The following ADGRL1 variants were observed in gnomAD, a reference collection of about 807,000 sequenced individuals.
ADGRL1 encodes the protein adhesion G protein-coupled receptor L1, also known as CIRL-1.
Under a neutral mutation model 148.9 loss-of-function variants are expected in ADGRL1, and 31 were observed. That is an observed-to-expected ratio of 0.21 (90% CI 0.16 to 0.28). The LOEUF (loss-of-function observed/expected upper bound fraction) is 0.28, where lower values mean the gene tolerates loss of function less well. Ranked by LOEUF, ADGRL1 falls within the 10% of genes least tolerant of loss-of-function variation. The probability of loss-of-function intolerance (pLI) is 1.00; values close to 1 mark genes in which losing one functional copy is unlikely to be tolerated. For synonymous variants in ADGRL1, 937 were observed against 900.3 expected (o/e 1.04, Z -0.73); for missense variants, 1,521 against 2,058.8 (o/e 0.74, Z 5.05).
chr19:14,188,789 T>A (rs1039218531), intron 1 of ADGRL1, among the ~76,000 whole-genome samples: 2 of 152,202 alleles, frequency 1.3e-5, no homozygotes, highest in African/African-American at 2.4e-5. Context: ...TTTTTCTTTT[T>A]TTGAGACGGA....
Position 14,163,333 on chromosome 19 carries a change from G to A in ADGRL1, c.468C>T (p.Gly156=), listed in dbSNP as rs756602442. 5.6e-6 allele frequency: 9 copies of A among 1,611,254 alleles called. No homozygotes were observed. The highest frequency in any genetic ancestry group is 1.1e-5 in the South Asian group (1 of 90,848). ...TSTHESEHQS[G]AWCKDPLQAG... ...CCTGCAGCGGGTCCTTGCACCATGC[G>A]CCAGACTGGTGCTCTGACTCGTGTG... The change falls in exon 5 of 23, where the codon GGC becomes GGT. Residue 156 remains glycine (G), a synonymous_variant. Coordinates refer to ENST00000361434, the MANE Select transcript of ADGRL1 (RefSeq NM_014921.5).
In ADGRL1 at chr19:14,159,738, G is replaced by A; in HGVS notation, c.1836C>T (p.Ile612=). ...ACTGGGACCCCCTGGGTCTCACCTTGATATAATCCTTACAAGTTCTCTCTC... is the reference window on the plus strand; with the variant it reads ...ACTGGGACCCCCTGGGTCTCACCTTAATATAATCCTTACAAGTTCTCTCTC... The part of the protein sequence containing the change: ...HKRERTCKDY[I]KAVVETVDNL... Residue 612 remains isoleucine, a synonymous_variant, in exon 9 of 23, where the codon ATC becomes ATT. Coordinates refer to ENST00000361434, the MANE Select transcript of ADGRL1 (RefSeq NM_014921.5). This position sits in a 1 kb window ranked among gnomAD's most constrained non-coding sequence, Gnocchi z 6.0. 3 of 1,613,764 alleles carry A rather than the reference G, an allele frequency of 1.9e-6. No individual in the cohort carries two copies. The highest frequency in any genetic ancestry group is 1.1e-5 in the South Asian group (1 of 91,082).
In ADGRL1 at chr19:14,150,998, G is replaced by C; in HGVS notation, c.4285C>G (p.Arg1429Gly). Residue 1429 changes from arginine to glycine, a missense_variant, in exon 23 of 23, where the codon CGG (arginine) becomes GGG (glycine). Physicochemically the swap from Arg to Gly is moderately radical, Grantham distance 125 (BLOSUM62 -2). Coordinates refer to ENST00000361434, the MANE Select transcript of ADGRL1 (RefSeq NM_014921.5). ...YTSRPPALVA[R>G]NPLQGYYQVR... ...TGGTAGTAGCCCTGCAGGGGATTCC[G>C]GGCCACCAGGGCTGGCGGGCGCGAG... 6.3e-7 allele frequency: 1 copy of C among 1,587,182 alleles called. No homozygotes were observed. The highest frequency in any genetic ancestry group is 8.6e-7 in the Non-Finnish European group (1 of 1,167,534).
Position 14,159,599 on chromosome 19 carries a change from G to A in ADGRL1, c.1840-15C>T, listed in dbSNP as rs368594984. ...TCCACCACGGCCTGCACAGGCAGAG[G>A]GCATGGTGCTGTGAGCCCCCCAACA... On this transcript the variant is annotated splice_polypyrimidine_tract_variant and intron_variant, in intron 9 of 22. Coordinates refer to ENST00000361434, the MANE Select transcript of ADGRL1 (RefSeq NM_014921.5). The surrounding 1 kb of genome is among the most constrained non-coding windows in gnomAD (Gnocchi z 6.0). 2 of 1,593,644 alleles carry A rather than the reference G, an allele frequency of 1.3e-6. No homozygotes were observed. The highest frequency in any genetic ancestry group is 1.7e-6 in the Non-Finnish European group (2 of 1,165,780).
chr19:14,155,278 TC>T lies in ADGRL1; in HGVS notation c.3294+80del. 6.5e-7 allele frequency: 1 copy of T among 1,527,260 alleles called. No homozygotes were observed. The highest frequency in any genetic ancestry group is 8.9e-7 in the Non-Finnish European group (1 of 1,120,840). 94.6% of individuals were successfully genotyped at this position (1,527,260 alleles called of 1,614,324 possible). ...GGCTTGAGGGAGCCCCTGAGTCCCC[TC>T]CACCCTCGCCGCCTTCTCCTGGGTA... On this transcript the variant is annotated intron_variant, in intron 18 of 22. Transcript: ENST00000361434. This position sits in a 1 kb window ranked among gnomAD's most constrained non-coding sequence, Gnocchi z 5.0.
chr19:14,157,763 G>C lies in ADGRL1; in HGVS notation c.2535+119C>G, dbSNP rs546990252. 36 of 1,274,766 alleles carry C rather than the reference G, an allele frequency of 2.8e-5. No homozygotes were observed. In the East Asian group the frequency reaches 8.6e-4, roughly 30 times the overall value. The allele number at this position is 1,274,766 out of a possible 1,614,324, so 79.0% of individuals were successfully genotyped here. On this transcript the variant is annotated intron_variant, in intron 13 of 22. Coordinates refer to ENST00000361434, the MANE Select transcript of ADGRL1 (RefSeq NM_014921.5). The surrounding 1 kb of genome is among the most constrained non-coding windows in gnomAD (Gnocchi z 7.5). ...CCTCATGCCCCAGGCAAGACCAGGG[G>C]CCCCCCACACCCATGGGGCTAGCCT...
intron 1 of ADGRL1, among the ~76,000 whole-genome samples, chr19:14,204,713 TGAGAGA>T (rs74181774): frequency 5.0e-4 from 71 of 142,864 alleles, no homozygotes; most frequent in African/African-American, 7.3e-4. Context: ...ACAGAGAGAG[TGAGAGA>T]GAGAGAGAGA....
intron 1 of ADGRL1, among the ~76,000 whole-genome samples, chr19:14,204,765 C>G (rs1972869496): frequency 6.7e-6 from 1 of 149,796 alleles, no homozygotes; most frequent in Non-Finnish European, 1.5e-5. Context: ...AGAGAGCGCG[C>G]GAGCCAGCCA....
At chr19:14,194,601 C>A (rs1289228467) in intron 1 of ADGRL1, among the ~76,000 whole-genome samples, 2 of 152,192 alleles carry the variant, frequency 1.3e-5, no homozygotes, top group East Asian at 3.8e-4. Context: ...AAGAGATATA[C>A]CCAGGGACAC....
chr19:14,183,882 C>T (rs932033425), intron 1 of ADGRL1, among the ~76,000 whole-genome samples, 185 bp from the exon 2 acceptor site: 37 of 152,190 alleles, frequency 2.4e-4, no homozygotes, highest in African/African-American at 8.4e-4. Flanking sequence ...ACCCAGCAGC[C>T]AGACCCAGCT....
In ADGRL1 at chr19:14,184,630, A is replaced by ATTT. The variant is rs1568618689; in HGVS notation, c.-95-936_-95-934dup. Among the ~76,000 whole-genome samples, 12 of 88,504 alleles carry ATTT rather than the reference A, an allele frequency of 1.4e-4. 1 individual carries two copies. Among genetic ancestry groups the ATTT allele is most frequent in the Admixed American group, 3.4e-4 (3 of 8,808 alleles). 58.1% of individuals were successfully genotyped at this position (88,504 alleles called of 152,430 possible). A position where few individuals can be genotyped will look rare whatever the true frequency, so the allele number is the denominator to read the frequency against. On this transcript the variant is annotated intron_variant, in intron 1 of 22. Coordinates refer to ENST00000361434, the MANE Select transcript of ADGRL1 (RefSeq NM_014921.5). ...ATTTTATTTATTTATTTATTTATTT[A>ATTT]TTTATTTATTTATTTATTTTTTTTT... is the stretch of plus-strand genomic sequence containing the variant.
Position 14,157,023 on chromosome 19 carries a change from G to C in ADGRL1, c.2868C>G (p.Ser956=), listed in dbSNP as rs1486910508. The change falls in exon 15 of 23, where the codon TCC becomes TCG. Residue 956 remains serine (S), a synonymous_variant. Transcript: ENST00000361434. The surrounding 1 kb of genome is among the most constrained non-coding windows in gnomAD (Gnocchi z 7.5). The part of the protein sequence containing the change: ...LLVEVFESEY[S]RTKYYYLGGY... ...CACCCAGGTAGTAGTACTTGGTGCGGGAATACTCGCTCTCAAACACCTCCA... is the reference window on the plus strand; with the variant it reads ...CACCCAGGTAGTAGTACTTGGTGCGCGAATACTCGCTCTCAAACACCTCCA... 5 of 1,614,004 alleles carry C rather than the reference G, an allele frequency of 3.1e-6. No homozygotes were observed. Among genetic ancestry groups the C allele is most frequent in the Non-Finnish European group, 4.2e-6 (5 of 1,179,966 alleles).
At chr19:14,174,837 GTTT>G (rs34608406) in intron 3 of ADGRL1, among the ~76,000 whole-genome samples, 60 of 110,554 alleles carry the variant, frequency 5.4e-4, no homozygotes, top group East Asian at 2.4e-3. Flanking sequence ...CACCTGGTCT[GTTT>G]TTTTTTTTTT....
At chr19:14,163,499 G>GAGAGAGAGA (rs1969649379) in intron 4 of ADGRL1, 93 bp from the exon 5 acceptor site, 3 of 740,264 alleles carry the variant, frequency 4.1e-6, no homozygotes, top group Admixed American at 3.4e-5. Context: ...AGAGAGAGAG[G>GAGAGAGAGA]GGGGAGAGAG....
chr19:14,192,146 G>T (rs1331574384), intron 1 of ADGRL1, among the ~76,000 whole-genome samples: 2 of 152,186 alleles, frequency 1.3e-5, no homozygotes, highest in Non-Finnish European at 2.9e-5. Context: ...TTGGGAGGGA[G>T]GTGGGAAGAT....
At chr19:14,170,841 C>CGGGGGTGGG in intron 3 of ADGRL1, 50 bp from the exon 4 acceptor site, 1 of 300,384 alleles carries the variant, frequency 3.3e-6, no homozygotes. Flanking sequence ...GACGGGGTGG[C>CGGGGGTGGG]GGGGGTGGGG....
Position 14,161,421 on chromosome 19 carries a change from T to A in ADGRL1, c.1401A>T (p.Leu467=). The change falls in exon 6 of 23, where the codon CTA becomes CTT. Residue 467 remains leucine (L), a synonymous_variant. Coordinates refer to ENST00000361434, the MANE Select transcript of ADGRL1 (RefSeq NM_014921.5). The surrounding 1 kb of genome is among the most constrained non-coding windows in gnomAD (Gnocchi z 4.4). ...PSTRRPPAPN[L]HVSPELFCEP... ...CGCAGAAGAGCTCAGGGGACACGTGTAGATTCGGGGCTGGGGGCCGCCGGG... is the reference window on the plus strand; with the variant it reads ...CGCAGAAGAGCTCAGGGGACACGTGAAGATTCGGGGCTGGGGGCCGCCGGG... 1 of 1,530,612 alleles carries A rather than the reference T, an allele frequency of 6.5e-7. No homozygotes were observed. The highest frequency in any genetic ancestry group is 8.8e-7 in the Non-Finnish European group (1 of 1,141,842). 94.8% of individuals were successfully genotyped at this position (1,530,612 alleles called of 1,614,324 possible). A position where few individuals can be genotyped will look rare whatever the true frequency, so the allele number is the denominator to read the frequency against.
chr19:14,182,226 G>T (rs1018582534), intron 2 of ADGRL1, among the ~76,000 whole-genome samples: 2 of 152,206 alleles, frequency 1.3e-5, no homozygotes, highest in African/African-American at 2.4e-5. Flanking sequence ...GCAGTGAGAT[G>T]ATATGAATGC....
chr19:14,151,558 T>C lies in ADGRL1; in HGVS notation c.3725A>G (p.Asn1242Ser). ...CGMDTLPLNG[N>S]FNNSYSLRSG... ...TCGCAAGGAGTAACTGTTATTGAAG[T>C]TGCCGTTCAGGGGCAGGGTGTCCAT... Residue 1242 changes from asparagine to serine, a missense_variant, in exon 23 of 23, where the codon AAC becomes AGC. Physicochemically the swap from Asn to Ser is conservative, Grantham distance 46. Transcript: ENST00000361434. 2 of 1,610,746 alleles carry C rather than the reference T, an allele frequency of 1.2e-6. No individual in the cohort carries two copies. Among genetic ancestry groups the C allele is most frequent in the Non-Finnish European group, 1.7e-6 (2 of 1,179,296 alleles).
Sources: gnomAD v4.1 joint callset for allele counts (sites outside exome capture counted in the v4.1 genomes callset) on GRCh38, gnomAD v4.1.1 for gene constraint, Gnocchi (gnomAD v3.1) non-coding constraint, MANE v1.5 for transcripts, NCBI Gene and HGNC (gene_info 2026-07-23, HGNC 2026-07-21) for gene names.